Variants in GRID2 observed in about 807,000 individuals in gnomAD.
GRID2 encodes glutamate ionotropic receptor delta type subunit 2.
In GRID2, 33 loss-of-function variants were observed where a neutral mutation model predicts 114.8. The observed-to-expected ratio is 0.29, with a 90% confidence interval of 0.22 to 0.38. The LOEUF (loss-of-function observed/expected upper bound fraction) is 0.38, where lower values mean the gene tolerates loss of function less well. GRID2 is among the 10% of genes least tolerant of loss of function. The pLI is 1.00. For missense variants in GRID2, 1,184 were observed against 1,257.7 expected, an observed-to-expected ratio of 0.94 and a Z score of 0.89; for synonymous variants, 505 against 449.9, an observed-to-expected ratio of 1.12 and a Z score of -1.55.
In GRID2 at chr4:92,688,037, C is replaced by CTTTTTTTTTTT. The variant is rs760605020; in HGVS notation, c.244+97770_244+97780dup. 3.2e-3 allele frequency among the ~76,000 whole-genome samples: 144 copies of CTTTTTTTTTTT among 44,668 alleles called. 19 individuals carry two copies. Among genetic ancestry groups the CTTTTTTTTTTT allele is most frequent in the Non-Finnish European group, 4.1e-3 (101 of 24,656 alleles). 29.3% of individuals were successfully genotyped at this position (44,668 alleles called of 152,430 possible). A position where few individuals can be genotyped will look rare whatever the true frequency, so the allele number is the denominator to read the frequency against. On this transcript the variant is annotated intron_variant, in intron 2 of 15. Transcript: ENST00000282020. Reference sequence around the variant, plus strand: ...GCCACATTGGTTGACCCTTCTTCTTCTTTTTTTTTTTTTTTTTTTTTTTTT... The same window carrying CTTTTTTTTTTT: ...GCCACATTGGTTGACCCTTCTTCTTCTTTTTTTTTTTTTTTTTTTTTTTTTTTTTTTTTTTT...
chr4:93,647,350 A>G (rs1161448468), intron 14 of GRID2, among the ~76,000 whole-genome samples: 2 of 152,200 alleles, frequency 1.3e-5, no homozygotes, highest in Non-Finnish European at 2.9e-5. Context: ...TTAATGATAG[A>G]ATGGGCTCCA....
chr4:93,012,806 A>G (rs997454276), intron 2 of GRID2, among the ~76,000 whole-genome samples: 2 of 152,044 alleles, frequency 1.3e-5, no homozygotes, highest in African/African-American at 4.8e-5. Flanking sequence ...AGAAATAAAA[A>G]CTTACTCTGC....
intron 2 of GRID2, among the ~76,000 whole-genome samples, chr4:92,670,333 C>T (rs182405208): frequency 6.6e-6 from 1 of 152,116 alleles, no homozygotes; most frequent in Non-Finnish European, 1.5e-5. Flanking sequence ...ATTTGGACCA[C>T]AGATTTGTTA....
At chr4:92,672,905 G>A (rs1316736729) in intron 2 of GRID2, among the ~76,000 whole-genome samples, 1 of 151,996 alleles carries the variant, frequency 6.6e-6, no homozygotes. Flanking sequence ...AATCTATCAA[G>A]CACCAGTTCT....
At chr4:92,698,749 GC>G (rs1304944779) in intron 2 of GRID2, among the ~76,000 whole-genome samples, 1 of 151,856 alleles carries the variant, frequency 6.6e-6, no homozygotes, top group Non-Finnish European at 1.5e-5. Context: ...CTCTGAAGTG[GC>G]AAGTGAAAAT....
intron 14 of GRID2, among the ~76,000 whole-genome samples, chr4:93,661,477 T>C (rs917025530): frequency 6.6e-6 from 1 of 152,186 alleles, no homozygotes; most frequent in Non-Finnish European, 1.5e-5. Context: ...GTGTGTCTTA[T>C]GGAGAAAATA....
At chr4:92,610,414 C>T (rs143557211) in intron 2 of GRID2, among the ~76,000 whole-genome samples, 25 of 151,748 alleles carry the variant, frequency 1.6e-4, no homozygotes, top group African/African-American at 5.3e-4. Context: ...CTAAACATAA[C>T]GATCATACCT....
intron 2 of GRID2, chr4:92,885,185 A>G: frequency 9.2e-6 from 2 of 217,352 alleles, no homozygotes; most frequent in South Asian, 1.3e-4. Flanking sequence ...TCAGGATAGA[A>G]CTAATGGAGT....
chr4:93,305,919 A>T (rs1424288529), intron 8 of GRID2, among the ~76,000 whole-genome samples: 1 of 152,146 alleles, frequency 6.6e-6, no homozygotes, highest in Non-Finnish European at 1.5e-5. Context: ...GATCTATGTG[A>T]TTCAATGGCC....
chr4:93,762,813 C>A (rs1733324062), intron 14 of GRID2, among the ~76,000 whole-genome samples: 1 of 152,074 alleles, frequency 6.6e-6, no homozygotes, highest in African/African-American at 2.4e-5. Context: ...CTTTCCTGTG[C>A]CTCGCATGCG....
At chr4:92,730,748 G>A (rs1247423463) in intron 2 of GRID2, among the ~76,000 whole-genome samples, 1 of 151,896 alleles carries the variant, frequency 6.6e-6, no homozygotes, top group African/African-American at 2.4e-5. Flanking sequence ...ATACTGAGGT[G>A]CCAATAGAGA....
chr4:93,379,427 C>T (rs1238218388), intron 8 of GRID2, among the ~76,000 whole-genome samples: 1 of 152,042 alleles, frequency 6.6e-6, no homozygotes, highest in Non-Finnish European at 1.5e-5. Context: ...GCTGTCCCTT[C>T]CATTCTCTAC....
At chr4:93,663,091 G>T (rs765037101) in intron 14 of GRID2, among the ~76,000 whole-genome samples, 4 of 152,104 alleles carry the variant, frequency 2.6e-5, no homozygotes, top group African/African-American at 4.8e-5. Flanking sequence ...CTTTGAAACG[G>T]TTTGATTTGA....
intron 13 of GRID2, among the ~76,000 whole-genome samples, chr4:93,570,726 A>T (rs140734928): frequency 7.2e-5 from 11 of 152,288 alleles, no homozygotes; most frequent in African/African-American, 2.4e-4. Context: ...AATAAAGTAT[A>T]TGTTGAAAAA....
chr4:93,050,889 T>C (rs1298154413), intron 2 of GRID2, among the ~76,000 whole-genome samples: 2 of 152,072 alleles, frequency 1.3e-5, no homozygotes, highest in Non-Finnish European at 2.9e-5. Flanking sequence ...CAACAGGCGT[T>C]GCAGCATTTT....
At chr4:92,755,849 A>T (rs966695205) in intron 2 of GRID2, among the ~76,000 whole-genome samples, 3 of 152,128 alleles carry the variant, frequency 2.0e-5, no homozygotes, top group African/African-American at 7.2e-5. Flanking sequence ...TTGATACATA[A>T]AATTTGTTCA....
intron 1 of GRID2, among the ~76,000 whole-genome samples, chr4:92,510,950 G>A (rs1036766925): frequency 6.6e-6 from 1 of 151,406 alleles, no homozygotes; most frequent in Admixed American, 6.6e-5. Flanking sequence ...TAGAAGTCAA[G>A]TAAATAACAT....
At chr4:92,573,712 G>A (rs1727738547) in intron 1 of GRID2, among the ~76,000 whole-genome samples, 1 of 152,120 alleles carries the variant, frequency 6.6e-6, no homozygotes, top group Non-Finnish European at 1.5e-5. Context: ...TGCATTTGCT[G>A]AGGTGTGTTT....
chr4:93,339,558 C>T (rs1759436637), intron 8 of GRID2, among the ~76,000 whole-genome samples: 1 of 152,158 alleles, frequency 6.6e-6, no homozygotes. Flanking sequence ...ATGGATTTCC[C>T]TCCAGAACTG....
Sources: gnomAD v4.1 joint callset for allele counts (sites outside exome capture counted in the v4.1 genomes callset) on GRCh38, gnomAD v4.1.1 for gene constraint, MANE v1.5 for transcripts, NCBI Gene and HGNC (gene_info 2026-07-23, HGNC 2026-07-21) for gene names.